LEF1: variants seen among roughly 807,000 people sequenced by gnomAD.
The protein encoded by LEF1 is lymphoid enhancer binding factor 1, also known as lymphoid enhancer-binding factor 1.
LEF1 carries 14 observed loss-of-function variants against 51.2 expected under a neutral mutation model. The ratio of observed to expected loss-of-function variants is 0.27; its 90% CI spans 0.18 to 0.43. LEF1 has a LOEUF of 0.43. LEF1 is among the 20% of genes least tolerant of loss of function. The pLI is 1.00. For missense variants in LEF1, 386 were observed against 512.0 expected (o/e 0.75, Z 2.37); for synonymous variants, 185 against 183.2 (o/e 1.01, Z -0.08).
chr4:108,069,359 C>T (rs533262497), intron 9 of LEF1, among the ~76,000 whole-genome samples: 17 of 151,870 alleles, frequency 1.1e-4, no homozygotes, highest in Admixed American at 6.6e-4. Context: ...GAAAATTATT[C>T]CCCTCTATAA....
chr4:108,149,798 C>T (rs527372309), intron 3 of LEF1, among the ~76,000 whole-genome samples: 11 of 151,658 alleles, frequency 7.3e-5, no homozygotes, highest in South Asian at 6.2e-4. Context: ...TTTACAAAAA[C>T]GTTTGTATTA....
At chr4:108,061,828 T>C (rs1737713230) in intron 11 of LEF1, among the ~76,000 whole-genome samples, 1 of 152,164 alleles carries the variant, frequency 6.6e-6, no homozygotes, top group Admixed American at 6.5e-5. Context: ...GAGTATATTA[T>C]TTTTTGATCT....
At chr4:108,052,977 C>T (rs757177347) in intron 11 of LEF1, among the ~76,000 whole-genome samples, 4 of 152,184 alleles carry the variant, frequency 2.6e-5, no homozygotes, top group Non-Finnish European at 5.9e-5. Flanking sequence ...CCAAAGGTCA[C>T]CCAACTAATA....
intron 3 of LEF1, among the ~76,000 whole-genome samples, chr4:108,123,326 G>C (rs974504): frequency 6.6e-6 from 1 of 151,384 alleles, no homozygotes; most frequent in Non-Finnish European, 1.5e-5. Flanking sequence ...GACAGCACTT[G>C]AGACAAGAAA....
At chr4:108,166,846 G>A (rs1745430280) in intron 1 of LEF1, 20 of 984,242 alleles carry the variant, frequency 2.0e-5, no homozygotes, top group Non-Finnish European at 2.4e-5. Flanking sequence ...ACTAGAGTTG[G>A]GGGCGGTACA....
intron 3 of LEF1, among the ~76,000 whole-genome samples, chr4:108,122,756 G>C (rs903449538): frequency 6.6e-6 from 1 of 152,138 alleles, no homozygotes; most frequent in African/African-American, 2.4e-5. Flanking sequence ...AAAGTGCTGA[G>C]AATAAAGGTG....
intron 11 of LEF1, among the ~76,000 whole-genome samples, chr4:108,054,043 A>C (rs1737171270): frequency 6.6e-6 from 1 of 152,188 alleles, no homozygotes; most frequent in Admixed American, 6.5e-5. Context: ...TTCCACAGTT[A>C]TGCCAGCATT....
At chr4:108,063,927 A>G (rs1737873507) in intron 10 of LEF1, among the ~76,000 whole-genome samples, 1 of 152,238 alleles carries the variant, frequency 6.6e-6, no homozygotes, top group Non-Finnish European at 1.5e-5. Context: ...AAAAAACCCA[A>G]ATCACAAAAG....
chr4:108,055,931 T>TGTCC (rs1402735121), intron 11 of LEF1, among the ~76,000 whole-genome samples: 2 of 152,198 alleles, frequency 1.3e-5, no homozygotes, highest in Admixed American at 6.5e-5. Flanking sequence ...CAGAGCTGTC[T>TGTCC]AGATAAAACC....
At chr4:108,056,824 C>T (rs531225612) in intron 11 of LEF1, among the ~76,000 whole-genome samples, 5 of 151,886 alleles carry the variant, frequency 3.3e-5, no homozygotes, top group East Asian at 3.9e-4. Context: ...ATAAACAGCA[C>T]GCCAGCAGTC....
chr4:108,090,471 T>TC (rs912454641), intron 3 of LEF1, among the ~76,000 whole-genome samples: 1 of 151,740 alleles, frequency 6.6e-6, no homozygotes, highest in African/African-American at 2.4e-5. Context: ...TTAAGGTTGT[T>TC]CCCCCCAACC....
intron 3 of LEF1, among the ~76,000 whole-genome samples, chr4:108,103,013 C>T (rs1160986331): frequency 1.3e-5 from 2 of 152,208 alleles, no homozygotes; most frequent in Non-Finnish European, 2.9e-5. Context: ...CAGTAGAACT[C>T]AATCCTGTTT....
intron 3 of LEF1, among the ~76,000 whole-genome samples, chr4:108,122,905 C>G (rs189125900): frequency 2.6e-5 from 4 of 152,108 alleles, no homozygotes; most frequent in African/African-American, 9.7e-5. Context: ...ATTAAGTGCT[C>G]AACAGTCACA....
At chr4:108,125,851 T>C (rs1339542463) in intron 3 of LEF1, among the ~76,000 whole-genome samples, 1 of 152,160 alleles carries the variant, frequency 6.6e-6, no homozygotes, top group Non-Finnish European at 1.5e-5. Context: ...AGGTGTATTA[T>C]GGATCCTAAA....
intron 3 of LEF1, among the ~76,000 whole-genome samples, chr4:108,142,121 C>T (rs1249743406): frequency 1.3e-5 from 2 of 152,142 alleles, no homozygotes; most frequent in African/African-American, 4.8e-5. Flanking sequence ...GGGAAAGGGA[C>T]TCTAACATGT....
chr4:108,132,419 C>T (rs1373167817), intron 3 of LEF1, among the ~76,000 whole-genome samples: 2 of 152,040 alleles, frequency 1.3e-5, no homozygotes, highest in Non-Finnish European at 2.9e-5. Context: ...ACTCGAGTCT[C>T]ATTTAGAGTC....
chr4:108,143,877 T>C (rs928475839), intron 3 of LEF1, among the ~76,000 whole-genome samples: 2 of 152,014 alleles, frequency 1.3e-5, no homozygotes, highest in African/African-American at 4.8e-5. Context: ...TCAGCAAAAA[T>C]TGCCATCATT....
rs539879902 is a variant in LEF1, at chr4:108,052,114, G to A, written c.*7-3363C>T. On this transcript the variant is annotated intron_variant, in intron 11 of 11. Coordinates refer to ENST00000265165, the MANE Select transcript of LEF1 (RefSeq NM_016269.5). Reference sequence around the variant, plus strand: ...GTCTATGGGTGAGCTCTGAGGTGGTGGAGTGGAGGGTCAGGAGCAGGCAAG... The same window carrying A: ...GTCTATGGGTGAGCTCTGAGGTGGTAGAGTGGAGGGTCAGGAGCAGGCAAG... Among the ~76,000 whole-genome samples, 11 of 152,282 alleles carry A rather than the reference G, an allele frequency of 7.2e-5. 1 individual carries two copies. The highest frequency in any genetic ancestry group is 3.9e-4 in the Admixed American group (6 of 15,298).
chr4:108,092,917 TAAA>T lies in LEF1; in HGVS notation c.415-3663_415-3661del, dbSNP rs71592104. Among the ~76,000 whole-genome samples, 6 of 31,142 alleles carry T rather than the reference TAAA, an allele frequency of 1.9e-4. 1 individual carries two copies. The East Asian group carries it at 3.2e-3, about 16-fold the overall frequency. The allele number at this position is 31,142 out of a possible 152,430, so 20.4% of individuals were successfully genotyped here. A position where few individuals can be genotyped will look rare whatever the true frequency, so the allele number is the denominator to read the frequency against. ...GTGGGTATTGGAAACAATGAATATG[TAAA>T]AAAAAAAAAAAAAAAAAAAAAAAAA... On this transcript the variant is annotated intron_variant, in intron 3 of 11. Coordinates refer to ENST00000265165, the MANE Select transcript of LEF1 (RefSeq NM_016269.5).
Sources: allele counts gnomAD v4.1 joint callset (sites outside exome capture counted in the v4.1 genomes callset), GRCh38; gene constraint gnomAD v4.1.1; transcripts MANE v1.5; gene names NCBI Gene and HGNC (gene_info 2026-07-23, HGNC 2026-07-21).